The following STX1A variants were observed in gnomAD, a reference collection of about 807,000 sequenced individuals.
STX1A encodes syntaxin 1A.
In STX1A, 4 loss-of-function variants were observed where a neutral mutation model predicts 37.8. That is an observed-to-expected ratio of 0.11 (90% CI 0.05 to 0.24). The LOEUF (loss-of-function observed/expected upper bound fraction) is 0.24, where lower values mean the gene tolerates loss of function less well. STX1A is among the 10% of genes least tolerant of loss of function. STX1A has a pLI of 1.00. For missense variants in STX1A, 251 were observed against 399.9 expected (o/e 0.63, Z 3.18); for synonymous variants, 135 against 147.4 (o/e 0.92, Z 0.61).
In STX1A at chr7:73,708,681, T is replaced by C. The variant is rs1584250219; in HGVS notation, c.116A>G (p.Glu39Gly). The change falls in exon 3 of 10, where the codon GAG becomes GGG. Residue 39 changes from glutamate (E) to glycine (G), a missense_variant. Coordinates refer to ENST00000222812, the MANE Select transcript of STX1A (RefSeq NM_004603.4). ...GATCTTGTCAATGAAGCCTCGAATCTCCTCCACCTGCGGACCAAGGCCAGG... is the reference window on the plus strand; with the variant it reads ...GATCTTGTCAATGAAGCCTCGAATCCCCTCCACCTGCGGACCAAGGCCAGG... ...FMDEFFEQVE[E>G]IRGFIDKIAE... 1.2e-6 allele frequency: 2 copies of C among 1,613,908 alleles called. No individual in the cohort carries two copies. Among genetic ancestry groups the C allele is most frequent in the Middle Eastern group, 3.3e-4 (2 of 6,062 alleles).
intron 6 of STX1A, 67 bp downstream of exon 6, chr7:73,704,056 AAGCAGCAGCCTTGAGCCACGCACTC>A (rs1482665105): frequency 5.3e-4 from 738 of 1,396,474 alleles, no homozygotes; most frequent in Non-Finnish European, 6.9e-4. Flanking sequence ...GCCCCTAACT[AAGCAGCAGCCTTGAGCCACGCACTC>A]AGCAGCAGAC....
chr7:73,719,497 C>G, intron 1 of STX1A, 105 bp downstream of exon 1: 1 of 1,085,272 alleles, frequency 9.2e-7, no homozygotes, highest in Non-Finnish European at 1.2e-6. Flanking sequence ...TGGCTGGGGG[C>G]GCAGGAGCGG....
chr7:73,704,634 A>ACACC (rs1798804369), intron 4 of STX1A: 1 of 616,840 alleles, frequency 1.6e-6, no homozygotes, highest in South Asian at 1.9e-5. Context: ...GTGTAAATGC[A>ACACC]CACCCACTCC....
Position 73,704,333 on chromosome 7 carries a change from A to G in STX1A, c.357+17T>C. 6.2e-7 allele frequency: 1 copy of G among 1,614,084 alleles called. No homozygotes were observed. The highest frequency in any genetic ancestry group is 1.6e-4 in the Middle Eastern group (1 of 6,062). On this transcript the variant is annotated intron_variant, in intron 5 of 9. Coordinates refer to ENST00000222812, the MANE Select transcript of STX1A (RefSeq NM_004603.4). The stretch of plus-strand genomic sequence containing the variant: ...AGAGACTCAGGTGCCCGCCCATCCT[A>G]GACTCCGTGGCCGCACCTGTGTCTT...
chr7:73,702,826 A>G lies in STX1A; in HGVS notation c.678+19T>C, dbSNP rs368968122. The G allele has an allele frequency of 6.2e-7, 1 of 1,613,644 alleles. No individual in the cohort carries two copies. Among genetic ancestry groups the G allele is most frequent in the Admixed American group, 1.7e-5 (1 of 60,000 alleles). On this transcript the variant is annotated intron_variant, in intron 8 of 9. Coordinates refer to ENST00000222812, the MANE Select transcript of STX1A (RefSeq NM_004603.4). The surrounding 1 kb of genome is among the most constrained non-coding windows in gnomAD (Gnocchi z 4.7). ...GCTGGTGTGGGCTGGAGTGGAGGGC[A>G]GGGGGGCCCGGCACTCACCTGGCTC... is the stretch of plus-strand genomic sequence containing the variant.
At chr7:73,704,065 C>T (rs1798774341) in intron 6 of STX1A, 83 bp downstream of exon 6, 1 of 1,448,298 alleles carries the variant, frequency 6.9e-7, no homozygotes, top group Non-Finnish European at 9.3e-7. Context: ...TAAGCAGCAG[C>T]CTTGAGCCAC....
chr7:73,710,918 A>G (rs1372098658), intron 1 of STX1A, among the ~76,000 whole-genome samples: 1 of 152,128 alleles, frequency 6.6e-6, no homozygotes, highest in Non-Finnish European at 1.5e-5. Flanking sequence ...GGACAGTGAC[A>G]CCTGGCTGCA....
rs1798880905 is a variant in STX1A at position 73,706,587 on chromosome 7, G to A, written c.209-1363C>T. Among the ~76,000 whole-genome samples, 2 of 152,154 alleles carry A rather than the reference G, an allele frequency of 1.3e-5. No individual in the cohort carries two copies. Among genetic ancestry groups the A allele is most frequent in the South Asian group, 4.2e-4 (2 of 4,818 alleles). On this transcript the variant is annotated intron_variant, in intron 3 of 9. Transcript: ENST00000222812. This position sits in a 1 kb window ranked among gnomAD's most constrained non-coding sequence, Gnocchi z 4.6. ...TGACTCAGAACCGGTCCCTATGACT[G>A]TGCATGACACCGCAGCAGGAGACGG...
In STX1A at chr7:73,709,126, T is replaced by TG; in HGVS notation, c.31-5dup. 6.2e-7 allele frequency: 1 copy of TG among 1,612,306 alleles called. No individual in the cohort carries two copies. Among genetic ancestry groups the TG allele is most frequent in the Non-Finnish European group, 8.5e-7 (1 of 1,179,960 alleles). ...CATCATCATCGCTGTCCTTGGCCTG[T>TG]GCGGGGTTGTGCACACATAAGTGGA... is the stretch of plus-strand genomic sequence containing the variant. On this transcript the variant is annotated splice_region_variant and splice_polypyrimidine_tract_variant and intron_variant, in intron 1 of 9. Coordinates refer to ENST00000222812, the MANE Select transcript of STX1A (RefSeq NM_004603.4). This position sits in a 1 kb window ranked among gnomAD's most constrained non-coding sequence, Gnocchi z 4.2.
In STX1A at chr7:73,704,392, G is replaced by T. The variant is rs1798794021; in HGVS notation, c.315C>A (p.Gly105=). The T allele has an allele frequency of 6.2e-7, 1 of 1,614,072 alleles. No homozygotes were observed. The highest frequency in any genetic ancestry group is 1.3e-5 in the African/African-American group (1 of 74,922). ...SIEQSIEQEE[G]LNRSSADLRI... is the part of the protein sequence containing the mutation. ...TCAGGTCAGCGGAGGAGCGGTTCAG[G>T]CCTTCCTCTTGCTCGATGGACTGCT... Residue 105 remains glycine (G), a synonymous_variant, in exon 5 of 10, where the codon GGC becomes GGA. Transcript: ENST00000222812.
Position 73,700,035 on chromosome 7 carries a change from G to T in STX1A, c.*372C>A, listed in dbSNP as rs1021521580. 2.9e-6 allele frequency: 1 copy of T among 345,212 alleles called. No individual in the cohort carries two copies. The allele number at this position is 345,212 out of a possible 1,614,324, so 21.4% of individuals were successfully genotyped here. ...GGGACAGCTGGAGAGGACAGGGCAGGTCAGCTGGAGGCGAGGTTAGGGTCC... is the reference window on the plus strand; with the variant it reads ...GGGACAGCTGGAGAGGACAGGGCAGTTCAGCTGGAGGCGAGGTTAGGGTCC... On this transcript the variant is annotated 3_prime_UTR_variant, in exon 10 of 10. Transcript: ENST00000222812. This position sits in a 1 kb window ranked among gnomAD's most constrained non-coding sequence, Gnocchi z 4.4.
At chr7:73,708,985 C>A in intron 2 of STX1A, 60 bp downstream of exon 2, 2 of 1,585,700 alleles carry the variant, frequency 1.3e-6, no homozygotes, top group South Asian at 1.1e-5. Context: ...GGCTCAGAGG[C>A]GAGAGTGGCC....
In STX1A at chr7:73,705,073, G is replaced by A. The variant is rs13306791; in HGVS notation, c.283+77C>T. ...AAGATCCGGCGCACCCCCTCAGGGC[G>A]AGCAAAACCCCATGGGCTCCGCAGA... On this transcript the variant is annotated intron_variant, in intron 4 of 9. Transcript: ENST00000222812. The surrounding 1 kb of genome is among the most constrained non-coding windows in gnomAD (Gnocchi z 5.2). The A allele has an allele frequency of 1.3e-4, 188 of 1,426,874 alleles. 1 individual carries two copies. The East Asian group carries it at 2.5e-3, about 19-fold the overall frequency. 88.4% of individuals were successfully genotyped at this position (1,426,874 alleles called of 1,614,324 possible). A position where few individuals can be genotyped will look rare whatever the true frequency, so the allele number is the denominator to read the frequency against.
chr7:73,702,540 CTG>C lies in STX1A; in HGVS notation c.678+303_678+304del. 1 of 720,936 alleles carries C rather than the reference CTG, an allele frequency of 1.4e-6. No individual in the cohort carries two copies. Among genetic ancestry groups the C allele is most frequent in the South Asian group, 2.3e-5 (1 of 42,922 alleles). The allele number at this position is 720,936 out of a possible 1,614,324, so 44.7% of individuals were successfully genotyped here. On this transcript the variant is annotated intron_variant, in intron 8 of 9. Transcript: ENST00000222812. The surrounding 1 kb of genome is among the most constrained non-coding windows in gnomAD (Gnocchi z 4.7). Reference sequence around the variant, plus strand: ...CTGGTCACTGCTATGCCTTCAGTCTCTGGGGAAATGCGTGGCCCACAGTGGCC... The same window carrying C: ...CTGGTCACTGCTATGCCTTCAGTCTCGGGAAATGCGTGGCCCACAGTGGCC...
chr7:73,713,926 G>A (rs889435995), intron 1 of STX1A, among the ~76,000 whole-genome samples: 2 of 152,174 alleles, frequency 1.3e-5, no homozygotes, highest in Non-Finnish European at 2.9e-5. Context: ...AGTGTCTTAC[G>A]GACGGATGTG....
At chr7:73,701,123 GT>G in intron 8 of STX1A, 2 of 608,898 alleles carry the variant, frequency 3.3e-6, no homozygotes, top group Non-Finnish European at 5.8e-6. Context: ...AGAGAACACT[GT>G]CAGAGATGTG....
Position 73,703,844 on chromosome 7 carries a change from G to A in STX1A, c.467-16C>T. 1 of 1,611,596 alleles carries A rather than the reference G, an allele frequency of 6.2e-7. No homozygotes were observed. The highest frequency in any genetic ancestry group is 8.5e-7 in the Non-Finnish European group (1 of 1,178,902). On this transcript the variant is annotated splice_polypyrimidine_tract_variant and intron_variant, in intron 6 of 9. Coordinates refer to ENST00000222812, the MANE Select transcript of STX1A (RefSeq NM_004603.4). ...GTCCTGCCGGCTGCAAGCGAGTGGG[G>A]TCACACTGAGCCCAGCCCTCTTCGG...
chr7:73,699,747 G>C lies in STX1A; in HGVS notation c.*660C>G, dbSNP rs572671084. 1 of 153,804 alleles carries C rather than the reference G, an allele frequency of 6.5e-6. No individual in the cohort carries two copies. Among genetic ancestry groups the C allele is most frequent in the Non-Finnish European group, 1.5e-5 (1 of 68,874 alleles). 9.5% of individuals were successfully genotyped at this position (153,804 alleles called of 1,614,324 possible). ...ATAGGGCACCAGCCAGCCCCTTCCA[G>C]AGGGACACCTGGGGTCAGACCTAGC... On this transcript the variant is annotated 3_prime_UTR_variant, in exon 10 of 10. Coordinates refer to ENST00000222812, the MANE Select transcript of STX1A (RefSeq NM_004603.4).
intron 1 of STX1A, among the ~76,000 whole-genome samples, chr7:73,715,280 G>T (rs1412811646): frequency 2.0e-5 from 3 of 151,892 alleles, no homozygotes; most frequent in African/African-American, 7.3e-5. Flanking sequence ...AAATTAGCCG[G>T]GCATGGTGAT....
Sources: gnomAD v4.1 joint callset for allele counts (sites outside exome capture counted in the v4.1 genomes callset) on GRCh38, gnomAD v4.1.1 for gene constraint, Gnocchi (gnomAD v3.1) non-coding constraint, MANE v1.5 for transcripts, NCBI Gene and HGNC (gene_info 2026-07-23, HGNC 2026-07-21) for gene names.